Variants in DRC11 observed in about 807,000 individuals in gnomAD.
DRC11 encodes the protein IQ and AAA domain-containing protein 1.
the DRC11 span, among the ~76,000 whole-genome samples, chr2:236,374,005 C>T: frequency 1.3e-5 from 2 of 152,140 alleles, no homozygotes; most frequent in Non-Finnish European, 2.9e-5. Flanking sequence ...TTTCTTATTC[C>T]GGTCCTTTAC....
At chr2:236,318,323 G>A in the DRC11 span, among the ~76,000 whole-genome samples, 1 of 152,192 alleles carries the variant, frequency 6.6e-6, no homozygotes, top group African/African-American at 2.4e-5. The surrounding 1 kb of genome is among the most constrained non-coding windows in gnomAD (Gnocchi z 7.0). Context: ...GCAGCCCTGG[G>A]AAGAGGCCTG....
At chr2:236,327,090 G>A in the DRC11 span, among the ~76,000 whole-genome samples, 2 of 151,990 alleles carry the variant, frequency 1.3e-5, no homozygotes, top group African/African-American at 2.4e-5. Flanking sequence ...CTCCATAGCA[G>A]TTCTACAGCT....
chr2:236,309,791 C>CT, the DRC11 span, among the ~76,000 whole-genome samples: 12,953 of 152,198 alleles, frequency 0.085, 1,268 homozygotes, highest in East Asian at 0.24. This position sits in a 1 kb window ranked among gnomAD's most constrained non-coding sequence, Gnocchi z 5.7. Flanking sequence ...AACTGGACCC[C>CT]GGGCAGGTGC....
the DRC11 span, among the ~76,000 whole-genome samples, chr2:236,501,302 C>G: frequency 6.6e-6 from 1 of 152,172 alleles, no homozygotes; most frequent in Non-Finnish European, 1.5e-5. Flanking sequence ...TTGGGGATGA[C>G]AGTTTGACAG....
At chr2:236,315,837 G>C in the DRC11 span, among the ~76,000 whole-genome samples, 1 of 152,060 alleles carries the variant, frequency 6.6e-6, no homozygotes, top group Non-Finnish European at 1.5e-5. This position sits in a 1 kb window ranked among gnomAD's most constrained non-coding sequence, Gnocchi z 5.1. Context: ...CACACACTGG[G>C]GCCTGTCGGA....
chr2:236,493,835 A>G, the DRC11 span: 5 of 1,606,536 alleles, frequency 3.1e-6, no homozygotes, highest in Admixed American at 1.7e-5. Flanking sequence ...TCCTTTTATT[A>G]CTTCCAACTT....
At chr2:236,362,582 C>T in the DRC11 span, among the ~76,000 whole-genome samples, 1 of 152,162 alleles carries the variant, frequency 6.6e-6, no homozygotes, top group South Asian at 2.1e-4. This position sits in a 1 kb window ranked among gnomAD's most constrained non-coding sequence, Gnocchi z 5.7. Flanking sequence ...ATCAGGAAGA[C>T]TTCCAGTCAA....
At chr2:236,343,449 G>A in the DRC11 span, among the ~76,000 whole-genome samples, 45 of 152,340 alleles carry the variant, frequency 3.0e-4, no homozygotes, top group South Asian at 8.1e-3. This position sits in a 1 kb window ranked among gnomAD's most constrained non-coding sequence, Gnocchi z 6.6. Flanking sequence ...GGCTCAGAGA[G>A]GTTAAGTTAC....
At chr2:236,389,523 G>A in the DRC11 span, among the ~76,000 whole-genome samples, 4 of 152,248 alleles carry the variant, frequency 2.6e-5, no homozygotes, top group East Asian at 1.9e-4. Flanking sequence ...GCTTCGGCTC[G>A]CGACCGGTGC....
chr2:236,405,851 G>A, the DRC11 span, among the ~76,000 whole-genome samples: 1 of 152,210 alleles, frequency 6.6e-6, no homozygotes, highest in Non-Finnish European at 1.5e-5. The surrounding 1 kb of genome is among the most constrained non-coding windows in gnomAD (Gnocchi z 4.6). Flanking sequence ...CACGTCCATG[G>A]TGGGATGGGA....
the DRC11 span, among the ~76,000 whole-genome samples, chr2:236,318,417 ACGTGTGCATGCCTG>A: frequency 6.6e-6 from 1 of 152,036 alleles, no homozygotes; most frequent in Non-Finnish European, 1.5e-5. The surrounding 1 kb of genome is among the most constrained non-coding windows in gnomAD (Gnocchi z 7.0). Context: ...ACGCATGCCT[ACGTGTGCATGCCTG>A]TGTGTGAACA....
chr2:236,358,302 AATAT>A, the DRC11 span, among the ~76,000 whole-genome samples: 1 of 130,872 alleles, frequency 7.6e-6, no homozygotes, highest in African/African-American at 3.2e-5. Context: ...GAATATATAT[AATAT>A]ATAGATATAT....
the DRC11 span, among the ~76,000 whole-genome samples, chr2:236,319,426 C>T: frequency 1.9e-3 from 292 of 152,288 alleles, no homozygotes; most frequent in African/African-American, 6.5e-3. This position sits in a 1 kb window ranked among gnomAD's most constrained non-coding sequence, Gnocchi z 6.7. Context: ...TCAGTCAGAA[C>T]CTTGCTGTAA....
At chr2:236,474,710 C>T in the DRC11 span, among the ~76,000 whole-genome samples, 1 of 152,078 alleles carries the variant, frequency 6.6e-6, no homozygotes, top group Non-Finnish European at 1.5e-5. Flanking sequence ...GAAATACTGA[C>T]ATATCATCAT....
the DRC11 span, among the ~76,000 whole-genome samples, chr2:236,446,385 T>G: frequency 1.3e-5 from 2 of 152,186 alleles, no homozygotes; most frequent in Admixed American, 1.3e-4. The surrounding 1 kb of genome is among the most constrained non-coding windows in gnomAD (Gnocchi z 6.2). Context: ...TCCGAGGCAC[T>G]GACTGCAGGT....
At chr2:236,487,498 G>A in the DRC11 span, among the ~76,000 whole-genome samples, 1 of 151,506 alleles carries the variant, frequency 6.6e-6, no homozygotes, top group African/African-American at 2.4e-5. Flanking sequence ...AGTAACCCTA[G>A]CCTCTATTTG....
At chr2:236,408,721 A>T in the DRC11 span, 1 of 707,452 alleles carries the variant, frequency 1.4e-6, no homozygotes, top group East Asian at 2.6e-5. This position sits in a 1 kb window ranked among gnomAD's most constrained non-coding sequence, Gnocchi z 5.5. Context: ...TTGTTAGAGA[A>T]GTGCTTTTTG....
chr2:236,446,235 G>A, the DRC11 span, among the ~76,000 whole-genome samples: 18 of 152,290 alleles, frequency 1.2e-4, no homozygotes, highest in African/African-American at 3.8e-4. This position sits in a 1 kb window ranked among gnomAD's most constrained non-coding sequence, Gnocchi z 6.2. Context: ...AGGAAGCTGC[G>A]AGGTGATGAG....
the DRC11 span, among the ~76,000 whole-genome samples, chr2:236,455,983 A>C: frequency 2.0e-5 from 3 of 151,970 alleles, no homozygotes; most frequent in East Asian, 5.8e-4. The surrounding 1 kb of genome is among the most constrained non-coding windows in gnomAD (Gnocchi z 5.7). Context: ...CTCCACCACC[A>C]GCCAGCCTCT....
Sources: gnomAD v4.1 joint callset for allele counts (sites outside exome capture counted in the v4.1 genomes callset) on GRCh38, gnomAD v4.1.1 for gene constraint, Gnocchi (gnomAD v3.1) non-coding constraint, MANE v1.5 for transcripts, NCBI Gene and HGNC (gene_info 2026-07-23, HGNC 2026-07-21) for gene names.